EBF1: variants seen among roughly 807,000 people sequenced by gnomAD.
The protein encoded by EBF1 is transcription factor COE1.
In EBF1, 10 loss-of-function variants were observed where a neutral mutation model predicts 68.4. The observed-to-expected ratio is 0.15, with a 90% confidence interval of 0.09 to 0.25. The LOEUF (loss-of-function observed/expected upper bound fraction) is 0.25, where lower values mean the gene tolerates loss of function less well. Ranked by LOEUF, EBF1 falls within the 10% of genes least tolerant of loss-of-function variation. The pLI is 1.00. For missense variants in EBF1, 509 were observed against 794.4 expected, an observed-to-expected ratio of 0.64 and a Z score of 4.32; for synonymous variants, 298 against 299.8, an observed-to-expected ratio of 0.99 and a Z score of 0.06.
chr5:158,710,758 A>G (rs1759044442), intron 14 of EBF1, among the ~76,000 whole-genome samples: 5 of 152,212 alleles, frequency 3.3e-5, no homozygotes, highest in Admixed American at 3.3e-4. Flanking sequence ...AACAATCCAT[A>G]CTTTCACTAT....
chr5:158,917,592 G>GT (rs1395503174), intron 6 of EBF1, among the ~76,000 whole-genome samples: 1 of 152,162 alleles, frequency 6.6e-6, no homozygotes, highest in South Asian at 2.1e-4. Flanking sequence ...AAGAAAAACC[G>GT]TAAGTGGCAC....
intron 6 of EBF1, among the ~76,000 whole-genome samples, chr5:159,012,285 C>CA (rs969702778): frequency 0.011 from 1,202 of 113,624 alleles, 14 homozygotes; most frequent in African/African-American, 0.029. Context: ...GACTCTGTCT[C>CA]AAAAAAAAAA....
chr5:159,077,363 C>T (rs774326871), intron 5 of EBF1, among the ~76,000 whole-genome samples: 7 of 152,200 alleles, frequency 4.6e-5, no homozygotes, highest in Admixed American at 1.3e-4. Context: ...CGGTTGAACC[C>T]GGGAAACGGA....
intron 6 of EBF1, among the ~76,000 whole-genome samples, chr5:159,066,577 C>T (rs1308671654): frequency 6.6e-6 from 1 of 151,290 alleles, no homozygotes; most frequent in Non-Finnish European, 1.5e-5. Context: ...AAAAATGTAA[C>T]AAAGATTTTT....
chr5:158,968,180 C>A (rs1367471860), intron 6 of EBF1, among the ~76,000 whole-genome samples: 1 of 152,154 alleles, frequency 6.6e-6, no homozygotes, highest in Non-Finnish European at 1.5e-5. Context: ...AAGAGTTAAT[C>A]AAGCATAGCG....
chr5:158,956,821 C>G (rs1047594373), intron 6 of EBF1, among the ~76,000 whole-genome samples: 1 of 146,362 alleles, frequency 6.8e-6, no homozygotes, highest in Non-Finnish European at 1.5e-5. Context: ...TGCAGTGGCG[C>G]GATCTGGGCT....
At position 158,823,262 on chromosome 5, in the gene EBF1, T is replaced by C. The variant is rs774638501; in HGVS notation, c.692A>G (p.Asn231Ser). 14 of 1,613,840 alleles carry C rather than the reference T, an allele frequency of 8.7e-6. No homozygotes were observed. In the South Asian group the frequency reaches 1.4e-4, roughly 16 times the overall value. ...VDGHVLAVSD[N>S]MFVHNNSKHG... ...CTTGGAATTATTATGGACAAACATGTTATCAGAGACTGCCAGGACATGGCC... is the reference window on the plus strand; with the variant it reads ...CTTGGAATTATTATGGACAAACATGCTATCAGAGACTGCCAGGACATGGCC... The change falls in exon 8 of 16, where the codon AAC (asparagine) becomes AGC (serine). Residue 231 changes from asparagine (N) to serine (S), a missense_variant. Asn to Ser is a conservative substitution (Grantham distance 46). Around this residue, in one of 3 missense-constraint regions of EBF1, gnomAD observed 230 missense variants for 467.7 expected, o/e 0.49. Transcript: ENST00000313708.
intron 7 of EBF1, 27 bp downstream of exon 7, chr5:158,840,002 G>C (rs1390999178): frequency 1.3e-6 from 2 of 1,597,606 alleles, no homozygotes; most frequent in South Asian, 2.2e-5. Context: ...CCATTATTGA[G>C]ATTCAAGAAA....
At chr5:158,773,619 G>A (rs751140787) in intron 10 of EBF1, among the ~76,000 whole-genome samples, 13 of 151,916 alleles carry the variant, frequency 8.6e-5, no homozygotes, top group South Asian at 4.2e-4. Context: ...TATATTCCCC[G>A]AGAATATATG....
intron 6 of EBF1, among the ~76,000 whole-genome samples, chr5:159,070,326 T>C (rs560733387): frequency 6.6e-6 from 1 of 152,296 alleles, no homozygotes; most frequent in South Asian, 2.1e-4. Flanking sequence ...CAAATTGTCA[T>C]GATTGTAAAA....
At chr5:158,847,311 C>G (rs986525968) in intron 6 of EBF1, among the ~76,000 whole-genome samples, 3 of 152,138 alleles carry the variant, frequency 2.0e-5, no homozygotes, top group African/African-American at 4.8e-5. Context: ...ACGCACTCCA[C>G]GTAGGTCTCC....
Position 158,796,365 on chromosome 5 carries a change from T to A in EBF1, c.889A>T (p.Thr297Ser), listed in dbSNP as rs759343698. The A allele has an allele frequency of 1.2e-5, 19 of 1,613,256 alleles. No individual in the cohort carries two copies. Among genetic ancestry groups the A allele is most frequent in the Non-Finnish European group, 1.6e-5 (19 of 1,179,546 alleles). ...FFDGLQVIFG[T>S]MLVWSELITP... ...CCTACCTCACTCCAGACCAGCATGGTACCGAATATGACCTGTAACCCATCA... is the reference window on the plus strand; with the variant it reads ...CCTACCTCACTCCAGACCAGCATGGAACCGAATATGACCTGTAACCCATCA... The change falls in exon 9 of 16, where the codon ACC becomes TCC. Residue 297 changes from threonine to serine, a missense_variant. Thr to Ser is a moderately conservative substitution (Grantham distance 58). Around this residue, in one of 3 missense-constraint regions of EBF1, gnomAD observed 230 missense variants for 467.7 expected, o/e 0.49. Transcript: ENST00000313708.
intron 6 of EBF1, among the ~76,000 whole-genome samples, chr5:158,946,214 T>G (rs1814645732): frequency 6.6e-6 from 1 of 152,188 alleles, no homozygotes; most frequent in Non-Finnish European, 1.5e-5. Flanking sequence ...TCCATCCTGT[T>G]TTGTTCCCTT....
At chr5:158,819,914 G>A (rs980030859) in intron 8 of EBF1, among the ~76,000 whole-genome samples, 4 of 152,138 alleles carry the variant, frequency 2.6e-5, no homozygotes, top group African/African-American at 9.7e-5. Flanking sequence ...GACCATGCAA[G>A]AGTCTATGAA....
At chr5:158,770,394 C>T (rs1353237145) in intron 10 of EBF1, among the ~76,000 whole-genome samples, 2 of 152,148 alleles carry the variant, frequency 1.3e-5, no homozygotes, top group African/African-American at 4.8e-5. Context: ...ACATTCTGGT[C>T]TCCTATGCTT....
chr5:159,010,956 A>G (rs146525499), intron 6 of EBF1, among the ~76,000 whole-genome samples: 143 of 152,400 alleles, frequency 9.4e-4, no homozygotes, highest in Middle Eastern at 3.4e-3. Context: ...GTTACAACTT[A>G]AAGTCCAGTT....
chr5:158,836,463 GGTGTAATGT>G (rs954444914), intron 7 of EBF1, among the ~76,000 whole-genome samples: 6 of 152,104 alleles, frequency 3.9e-5, no homozygotes, highest in African/African-American at 1.4e-4. Context: ...ATTCAAAAAG[GGTGTAATGT>G]CTGCCAGCAT....
chr5:158,831,150 C>CTG (rs1404319959), intron 7 of EBF1, among the ~76,000 whole-genome samples: 4 of 152,108 alleles, frequency 2.6e-5, no homozygotes, highest in Non-Finnish European at 5.9e-5. Flanking sequence ...CTGGTGCTCT[C>CTG]TGTGTGTGTG....
chr5:158,788,804 A>G (rs1777971363), intron 9 of EBF1, among the ~76,000 whole-genome samples: 1 of 152,150 alleles, frequency 6.6e-6, no homozygotes, highest in Non-Finnish European at 1.5e-5. Flanking sequence ...AACACGCTGT[A>G]AATAATGAGC....
Sources: gnomAD v4.1 joint callset for allele counts (sites outside exome capture counted in the v4.1 genomes callset) on GRCh38, gnomAD v4.1.1 for gene constraint, gnomAD v4.1.1 regional missense constraint, MANE v1.5 for transcripts, NCBI Gene and HGNC (gene_info 2026-07-23, HGNC 2026-07-21) for gene names.